Variants in PRPF40B observed in about 807,000 individuals in gnomAD.
The protein encoded by PRPF40B is pre-mRNA-processing factor 40 homolog B.
A neutral mutation model predicts 124.5 loss-of-function variants in PRPF40B; 56 were observed. The observed-to-expected ratio is 0.45, with a 90% CI of 0.36 to 0.56. The LOEUF is 0.56. Ranked by LOEUF, PRPF40B falls within the 20% of genes least tolerant of loss-of-function variation. The probability of loss-of-function intolerance (pLI) is 0.00; values close to 1 mark genes in which losing one functional copy is unlikely to be tolerated. For synonymous variants in PRPF40B, 443 were observed against 426.4 expected (o/e 1.04, Z -0.48); for missense variants, 1,053 against 1,169.5 (o/e 0.90, Z 1.45).
At chr12:49,632,723 G>A (rs768993826) in intron 5 of PRPF40B, 100 bp downstream of exon 5, 63 of 1,593,336 alleles carry the variant, frequency 4.0e-5, no homozygotes, top group Middle Eastern at 1.7e-4. Flanking sequence ...ATGCCTGTTG[G>A]GATGCCAAGG....
At position 49,635,329 on chromosome 12, in the gene PRPF40B, CTCTG is replaced by C. The variant is rs1227272478; in HGVS notation, c.1167-32_1167-29del. On this transcript the variant is annotated intron_variant, in intron 13 of 25. Transcript: ENST00000548825. This position sits in a 1 kb window ranked among gnomAD's most constrained non-coding sequence, Gnocchi z 4.1. The stretch of plus-strand genomic sequence containing the variant: ...AACACAAAGGTCCAGGGTCTCTGTT[CTCTG>C]TCTACCTACTCACAGCTTATATGCT... 1.9e-6 allele frequency: 3 copies of C among 1,608,748 alleles called. No homozygotes were observed. In the African/African-American group the frequency reaches 4.0e-5, roughly 22 times the overall value.
chr12:49,643,272 C>G lies in PRPF40B; in HGVS notation c.2255C>G (p.Pro752Arg), dbSNP rs151181775. The G allele has an allele frequency of 3.0e-5, 48 of 1,614,078 alleles. No individual in the cohort carries two copies. The African/African-American group carries it at 3.1e-4, about 10-fold the overall frequency. ...CTGCCCCCACCATCTCTCCGGCCCC[C>G]CAAGCGGAGGAGGCGGAACCCCTCA... The part of the protein sequence containing the change: ...EELPPPSLRP[P>R]KRRRRNPSES... The change falls in exon 23 of 26, where the codon CCC (proline) becomes CGC (arginine). Residue 752 changes from proline to arginine, a missense_variant. Around this residue, in one of 2 missense-constraint regions of PRPF40B, gnomAD observed 895 missense variants for 1,052.2 expected, o/e 0.85. Transcript: ENST00000548825.
chr12:49,634,366 G>A lies in PRPF40B; in HGVS notation c.847G>A (p.Glu283Lys), dbSNP rs1006735500. ...GCATCAGCCACAGCAGGAGGAGGAG[G>A]AATCAAAGCCAGAACCAGAGAGGTC... ...GQHQPQQEEE[E>K]SKPEPERSGL... The change falls in exon 11 of 26, where the codon GAA becomes AAA. Residue 283 changes from glutamate (E) to lysine (K), a missense_variant. Transcript: ENST00000548825. 1 of 1,614,134 alleles carries A rather than the reference G, an allele frequency of 6.2e-7. No individual in the cohort carries two copies. The highest frequency in any genetic ancestry group is 8.5e-7 in the Non-Finnish European group (1 of 1,180,054).
rs1941721616 is a variant in PRPF40B, at chr12:49,635,748, G to T, written c.1276-95G>T. The T allele has an allele frequency of 6.7e-7, 1 of 1,482,516 alleles. No homozygotes were observed. The highest frequency in any genetic ancestry group is 9.2e-7 in the Non-Finnish European group (1 of 1,087,028). The allele number at this position is 1,482,516 out of a possible 1,614,324, so 91.8% of individuals were successfully genotyped here. Reference sequence around the variant, plus strand: ...TCTTGAGTATGGCCTTCTTCCTAGGGTTCCCTAGCTACCTTTCCCCAGGTC... The same window carrying T: ...TCTTGAGTATGGCCTTCTTCCTAGGTTTCCCTAGCTACCTTTCCCCAGGTC... On this transcript the variant is annotated intron_variant, in intron 14 of 25. Coordinates refer to ENST00000548825, the MANE Select transcript of PRPF40B (RefSeq NM_001031698.3). The surrounding 1 kb of genome is among the most constrained non-coding windows in gnomAD (Gnocchi z 4.1).
At chr12:49,622,718 C>T (rs1940320619), upstream of PRPF40B, 1 of 152,294 alleles carries the variant, frequency 6.6e-6, no homozygotes, top group African/African-American at 2.4e-5. Flanking sequence ...CACGGCATCA[C>T]GCGAGTCCCG....
chr12:49,630,436 C>G (rs945315326), intron 1 of PRPF40B, 109 bp from the exon 2 acceptor site: 6 of 702,852 alleles, frequency 8.5e-6, no homozygotes, highest in Non-Finnish European at 1.6e-5. Flanking sequence ...CTTGAAGACC[C>G]TCCTGAATTT....
chr12:49,623,287 G>T (rs1279843165), upstream of PRPF40B: 4 of 167,098 alleles, frequency 2.4e-5, no homozygotes, highest in African/African-American at 9.6e-5. Context: ...GCGGGGAGAG[G>T]CAGAGGCGCC....
chr12:49,632,995 T>TGGGGGGGGGGGGC lies in PRPF40B; in HGVS notation c.349-18_349-17insGGGGGGGGGGGCG. 3 of 1,365,452 alleles carry TGGGGGGGGGGGGC rather than the reference T, an allele frequency of 2.2e-6. No homozygotes were observed. The highest frequency in any genetic ancestry group is 3.2e-5 in the African/African-American group (2 of 61,732). The allele number at this position is 1,365,452 out of a possible 1,614,324, so 84.6% of individuals were successfully genotyped here. Reference sequence around the variant, plus strand: ...AAAAGGGGCCTTGACCACCATTCTGTGCCCCCCCCCCCACCCAGAGGGCCC... The same window carrying TGGGGGGGGGGGGC: ...AAAAGGGGCCTTGACCACCATTCTGTGGGGGGGGGGGGCGCCCCCCCCCCCACCCAGAGGGCCC... On this transcript the variant is annotated intron_variant, in intron 6 of 25. Coordinates refer to ENST00000548825, the MANE Select transcript of PRPF40B (RefSeq NM_001031698.3).
intron 1 of PRPF40B, among the ~76,000 whole-genome samples, chr12:49,628,635 C>T (rs923525143): frequency 6.7e-6 from 1 of 150,254 alleles, no homozygotes; most frequent in Admixed American, 6.6e-5. Flanking sequence ...AGTGGCGCCT[C>T]GGCTCACTGC....
rs1329523979 is a variant in PRPF40B at position 49,635,908 on chromosome 12, T to C, written c.1341T>C (p.Ser447=). 6.2e-7 allele frequency: 1 copy of C among 1,613,702 alleles called. No homozygotes were observed. The highest frequency in any genetic ancestry group is 1.7e-5 in the Admixed American group (1 of 59,972). Residue 447 remains serine (S), a synonymous_variant, in exon 15 of 26, where the codon AGT becomes AGC. Transcript: ENST00000548825. This position sits in a 1 kb window ranked among gnomAD's most constrained non-coding sequence, Gnocchi z 4.1. ...QALKSILDGM[S]SVNFQTTWSQ... ...TAAAGAGCATCCTGGATGGGATGAGTAGTGTCAACTTCCAAACCACGTGGT... is the reference window on the plus strand; with the variant it reads ...TAAAGAGCATCCTGGATGGGATGAGCAGTGTCAACTTCCAAACCACGTGGT...
chr12:49,623,514 C>T (rs1016981328), upstream of PRPF40B: 1 of 1,237,678 alleles, frequency 8.1e-7, no homozygotes. Context: ...CCCGCCCTCC[C>T]GGCTGCGGCC....
chr12:49,636,051 C>T lies in PRPF40B; in HGVS notation c.1426+58C>T, dbSNP rs150576601. The T allele has an allele frequency of 2.1e-3, 3,277 of 1,596,714 alleles. 31 individuals are homozygous for T. The highest frequency in any genetic ancestry group is 0.012 in the South Asian group (1,058 of 88,554). ...TTCCCTTTCTTTACTGGACCTGGGA[C>T]CCCAGAGTCTGCCTCACCCCACTCC... On this transcript the variant is annotated intron_variant, in intron 15 of 25. Transcript: ENST00000548825.
intron 1 of PRPF40B, among the ~76,000 whole-genome samples, chr12:49,626,742 T>C (rs896066617): frequency 2.6e-5 from 4 of 152,122 alleles, no homozygotes; most frequent in African/African-American, 9.7e-5. Context: ...CGTTGAATCA[T>C]TGGTGATTTA....
intron 18 of PRPF40B, 77 bp downstream of exon 18, chr12:49,637,901 C>G (rs539772391): frequency 1.6e-6 from 2 of 1,240,640 alleles, no homozygotes; most frequent in South Asian, 2.6e-5. Context: ...CCTGATAAGT[C>G]CTGTTTTGCA....
At chr12:49,623,511 T>C, upstream of PRPF40B, 1 of 1,235,192 alleles carries the variant, frequency 8.1e-7, no homozygotes. Flanking sequence ...GGCCCCGCCC[T>C]CCCGGCTGCG....
In PRPF40B at chr12:49,637,061, C is replaced by T. The variant is rs368203210; in HGVS notation, c.1560+212C>T. On this transcript the variant is annotated intron_variant, in intron 16 of 25. Transcript: ENST00000548825. ...CTTCTAGGGAGACTAGATGTATGCA[C>T]CACCCAGAAACTGCCAGTAGAGAGC... is the stretch of plus-strand genomic sequence containing the variant. 268 of 729,550 alleles carry T rather than the reference C, an allele frequency of 3.7e-4. No individual in the cohort carries two copies. The African/African-American group carries it at 4.2e-3, about 12-fold the overall frequency. The allele number at this position is 729,550 out of a possible 1,614,324, so 45.2% of individuals were successfully genotyped here. A position where few individuals can be genotyped will look rare whatever the true frequency, so the allele number is the denominator to read the frequency against.
At chr12:49,634,831 A>G (rs1444681209) in intron 12 of PRPF40B, 12 of 636,342 alleles carry the variant, frequency 1.9e-5, no homozygotes. Flanking sequence ...ATCAAACGGA[A>G]TTGAATTAAT....
chr12:49,629,176 T>C (rs1215193994), intron 1 of PRPF40B, among the ~76,000 whole-genome samples: 1 of 152,258 alleles, frequency 6.6e-6, no homozygotes. Flanking sequence ...TCTCTGTCCC[T>C]TTCTACCATT....
intron 15 of PRPF40B, 105 bp downstream of exon 15, chr12:49,636,098 GAC>G: frequency 1.4e-6 from 2 of 1,417,112 alleles, no homozygotes; most frequent in Non-Finnish European, 1.9e-6. Context: ...TGCCCTCCCG[GAC>G]ACCCTAGGAG....
Sources: gnomAD v4.1 joint callset for allele counts (sites outside exome capture counted in the v4.1 genomes callset) on GRCh38, gnomAD v4.1.1 for gene constraint, gnomAD v4.1.1 regional missense constraint, Gnocchi (gnomAD v3.1) non-coding constraint, MANE v1.5 for transcripts, NCBI Gene and HGNC (gene_info 2026-07-23, HGNC 2026-07-21) for gene names.